PUM1: variants seen among roughly 807,000 people sequenced by gnomAD.
PUM1 encodes the protein pumilio homolog 1.
A neutral mutation model predicts 131.8 loss-of-function variants in PUM1; 13 were observed. The ratio of observed to expected loss-of-function variants is 0.10; its 90% confidence interval spans 0.06 to 0.16. The LOEUF is 0.16. Ranked by LOEUF, PUM1 falls within the 10% of genes least tolerant of loss-of-function variation. The pLI, the probability that PUM1 is intolerant of heterozygous loss-of-function variation, is 1.00. For missense variants in PUM1, 961 were observed against 1,512.4 expected (o/e 0.64, Z 6.05); for synonymous variants, 509 against 556.5 (o/e 0.91, Z 1.20).
chr1:30,995,078 A>G lies in PUM1; in HGVS notation c.863T>C (p.Ile288Thr). ...KTNGLPVQNG[I>T]DADVKDFSRT... is the part of the protein sequence containing the mutation. ...CCTAAAATCTTTGACGTCTGCATCA[A>G]TCCCATTCTGCACTGGTAAACCATT... The change falls in exon 6 of 22, where the codon ATT (isoleucine) becomes ACT (threonine). Residue 288 changes from isoleucine (I) to threonine (T), a missense_variant. Physicochemically the swap from Ile to Thr is moderately conservative, Grantham distance 89. Transcript: ENST00000426105. The G allele has an allele frequency of 6.2e-7, 1 of 1,614,140 alleles. No homozygotes were observed. The highest frequency in any genetic ancestry group is 8.5e-7 in the Non-Finnish European group (1 of 1,179,992).
chr1:31,040,726 T>G (rs185123706), intron 2 of PUM1, among the ~76,000 whole-genome samples: 31 of 151,894 alleles, frequency 2.0e-4, no homozygotes, highest in Admixed American at 1.8e-3. Context: ...GGCAACAAAG[T>G]GAACACCCTC....
At chr1:30,988,422 A>G (rs1641650317) in intron 7 of PUM1, among the ~76,000 whole-genome samples, 1 of 152,242 alleles carries the variant, frequency 6.6e-6, no homozygotes. Context: ...AGAAAATATA[A>G]CAAAAGAGAG....
chr1:31,059,071 T>C, intron 2 of PUM1, 133 bp downstream of exon 2: 1 of 1,069,016 alleles, frequency 9.4e-7, no homozygotes, highest in Non-Finnish European at 1.3e-6. Flanking sequence ...GATCAACCTT[T>C]ATAACAAGTA....
At chr1:30,999,775 C>T (rs1256394647) in intron 5 of PUM1, among the ~76,000 whole-genome samples, 1 of 150,010 alleles carries the variant, frequency 6.7e-6, no homozygotes, top group African/African-American at 2.4e-5. Flanking sequence ...ATAATGCATG[C>T]CTAAAAGTTT....
chr1:30,933,037 T>C lies in PUM1; in HGVS notation c.*174A>G. The C allele has an allele frequency of 2.7e-6, 2 of 746,436 alleles. No homozygotes were observed. Among genetic ancestry groups the C allele is most frequent in the South Asian group, 2.3e-5 (1 of 44,374 alleles). 46.2% of individuals were successfully genotyped at this position (746,436 alleles called of 1,614,324 possible). Reference sequence around the variant, plus strand: ...ACATGTTATGTGTAATAAAATTAAATTTACAAAGGCTTTTCCACTCGTGGA... The same window carrying C: ...ACATGTTATGTGTAATAAAATTAAACTTACAAAGGCTTTTCCACTCGTGGA... On this transcript the variant is annotated 3_prime_UTR_variant, in exon 22 of 22. Coordinates refer to ENST00000426105, the MANE Select transcript of PUM1 (RefSeq NM_001020658.2).
intron 2 of PUM1, among the ~76,000 whole-genome samples, chr1:31,034,802 T>C (rs1027606887): frequency 1.4e-4 from 21 of 152,244 alleles, no homozygotes; most frequent in African/African-American, 3.9e-4. Context: ...TTCTCAAGGA[T>C]TTTTTGCATA....
intron 3 of PUM1, among the ~76,000 whole-genome samples, chr1:31,017,523 T>TC (rs1642860696): frequency 6.6e-6 from 1 of 151,840 alleles, no homozygotes; most frequent in Non-Finnish European, 1.5e-5. Flanking sequence ...ATTTTTTTCT[T>TC]CTTTTTTTTT....
intron 3 of PUM1, among the ~76,000 whole-genome samples, chr1:31,026,865 C>A (rs562871310): frequency 6.7e-6 from 1 of 149,414 alleles, no homozygotes; most frequent in East Asian, 2.0e-4. Context: ...AAGAATGACA[C>A]AGCATTACTG....
At chr1:31,050,701 G>A (rs538059540) in intron 2 of PUM1, among the ~76,000 whole-genome samples, 1 of 152,302 alleles carries the variant, frequency 6.6e-6, no homozygotes, top group South Asian at 2.1e-4. Flanking sequence ...TTGTCTAAGA[G>A]AGTCCATCAG....
chr1:31,034,965 G>A (rs191235020), intron 2 of PUM1, among the ~76,000 whole-genome samples: 1 of 152,214 alleles, frequency 6.6e-6, no homozygotes, highest in East Asian at 1.9e-4. Context: ...AAAGGAAAGA[G>A]AATATAAGAA....
At position 30,965,995 on chromosome 1, in the gene PUM1, C is replaced by A. The variant is rs202132169; in HGVS notation, c.2073G>T (p.Gly691=). 6.2e-7 allele frequency: 1 copy of A among 1,612,828 alleles called. No individual in the cohort carries two copies. The highest frequency in any genetic ancestry group is 8.5e-7 in the Non-Finnish European group (1 of 1,179,414). Residue 691 remains glycine (G), a synonymous_variant, in exon 13 of 22, where the codon GGG becomes GGT. Transcript: ENST00000426105. ...TCTAATTTCTACCTGCTGTTCCAAA[C>A]CCTCCAAGGGCGGATCCCAGGGTGG... is the stretch of plus-strand genomic sequence containing the variant. The part of the protein sequence containing the change: ...LGATLGSALG[G]FGTAVANSNT...
At chr1:31,033,354 G>A (rs1485368843) in intron 2 of PUM1, among the ~76,000 whole-genome samples, 1 of 145,488 alleles carries the variant, frequency 6.9e-6, no homozygotes, top group Admixed American at 7.0e-5. Flanking sequence ...ATAGGTATGT[G>A]CCACCACATC....
intron 2 of PUM1, chr1:31,050,837 CTTTCCT>C (rs765537178): frequency 9.6e-5 from 18 of 187,764 alleles, no homozygotes; most frequent in Non-Finnish European, 1.8e-4. Context: ...AACTGGAGCT[CTTTCCT>C]TTTGTCTCAC....
chr1:31,064,134 GTTTAC>G (rs954659715), intron 1 of PUM1, among the ~76,000 whole-genome samples: 6 of 152,116 alleles, frequency 3.9e-5, no homozygotes, highest in African/African-American at 1.2e-4. Context: ...AAGGAACACG[GTTTAC>G]TTTATTTCCA....
intron 16 of PUM1, 35 bp from the exon 17 acceptor site, chr1:30,950,296 A>C (rs928706808): frequency 6.3e-7 from 1 of 1,594,530 alleles, no homozygotes; most frequent in Non-Finnish European, 8.6e-7. Context: ...CCATTACTTA[A>C]GTAGAAGGAA....
rs191961358 is a variant in PUM1 at position 30,956,385 on chromosome 1, G to A, written c.2324-2404C>T. On this transcript the variant is annotated intron_variant, in intron 14 of 21. Transcript: ENST00000426105. ...TTGAAGCAATTCTCCCACCTCAGCC[G>A]TCCAAGTAGCTGGGACTACAGGTGT... Among the ~76,000 whole-genome samples, 296 of 152,028 alleles carry A rather than the reference G, an allele frequency of 1.9e-3. 2 individuals carry two copies. Among genetic ancestry groups the A allele is most frequent in the Middle Eastern group, 6.8e-3 (2 of 294 alleles).
rs763675254 is a variant in PUM1 at position 30,933,224 on chromosome 1, T to C, written c.3554A>G (p.Asn1185Ser). 1.2e-6 allele frequency: 2 copies of C among 1,612,448 alleles called. No individual in the cohort carries two copies. Among genetic ancestry groups the C allele is most frequent in the South Asian group, 1.1e-5 (1 of 90,862 alleles). The change falls in exon 22 of 22, where the codon AAT becomes AGT. Residue 1185 changes from asparagine (N) to serine (S), a missense_variant. By Grantham distance (46) the Asn-to-Ser change is conservative. This residue lies in a region of PUM1 where 178 missense variants were observed against 327.5 expected (regional missense o/e 0.54). Coordinates refer to ENST00000426105, the MANE Select transcript of PUM1 (RefSeq NM_001020658.2). ...VDLGPICGPP[N>S]GII The stretch of plus-strand genomic sequence containing the variant: ...GGTGACACTGCCTCAGATGATACCA[T>C]TAGGGGGGCCACAGATGGGCCCTAA...
rs572267008 is a variant in PUM1, at chr1:31,018,178, C to A, written c.432+10618G>T. Among the ~76,000 whole-genome samples, 7 of 151,910 alleles carry A rather than the reference C, an allele frequency of 4.6e-5. No individual in the cohort carries two copies. In the South Asian group the frequency reaches 1.5e-3, roughly 32 times the overall value. On this transcript the variant is annotated intron_variant, in intron 3 of 21. Transcript: ENST00000426105. The stretch of plus-strand genomic sequence containing the variant: ...CAGCCTGGCCAACATGGTAAACTCT[C>A]ATCTCTGCTAAAATACAAAAATTAG...
chr1:30,995,039 G>A lies in PUM1; in HGVS notation c.887+15C>T, dbSNP rs1641931823. 3 of 1,608,106 alleles carry A rather than the reference G, an allele frequency of 1.9e-6. No individual in the cohort carries two copies. The highest frequency in any genetic ancestry group is 1.7e-4 in the Middle Eastern group (1 of 6,028). The stretch of plus-strand genomic sequence containing the variant: ...TAGCCCATATTCAAAAATCAGAAGT[G>A]TAAAACATACAAACCTAAAATCTTT... On this transcript the variant is annotated intron_variant, in intron 6 of 21. Coordinates refer to ENST00000426105, the MANE Select transcript of PUM1 (RefSeq NM_001020658.2).
Sources: gnomAD v4.1 joint callset for allele counts (sites outside exome capture counted in the v4.1 genomes callset) on GRCh38, gnomAD v4.1.1 for gene constraint, gnomAD v4.1.1 regional missense constraint, MANE v1.5 for transcripts, NCBI Gene and HGNC (gene_info 2026-07-23, HGNC 2026-07-21) for gene names.